KCNQ1: variants seen among roughly 807,000 people sequenced by gnomAD.
KCNQ1 encodes the protein potassium voltage-gated channel subfamily Q member 1.
KCNQ1 carries 49 observed loss-of-function variants against 72.4 expected under a neutral mutation model. The observed-to-expected ratio is 0.68, with a 90% CI of 0.54 to 0.86. KCNQ1 has a LOEUF of 0.86. KCNQ1 is among the 40% of genes least tolerant of loss of function. The pLI is 0.00. For missense variants in KCNQ1, 790 were observed against 945.1 expected, an observed-to-expected ratio of 0.84 and a Z score of 2.15; for synonymous variants, 450 against 412.6, an observed-to-expected ratio of 1.09 and a Z score of -1.10.
At chr11:2,504,828 C>T (rs898745333) in intron 1 of KCNQ1, among the ~76,000 whole-genome samples, 4 of 151,990 alleles carry the variant, frequency 2.6e-5, no homozygotes, top group Non-Finnish European at 2.9e-5. Context: ...GTAGTAGATA[C>T]CCCCATTTAC....
intron 2 of KCNQ1, among the ~76,000 whole-genome samples, chr11:2,553,655 T>TTTTTA (rs1233400162): frequency 7.2e-5 from 11 of 152,116 alleles, no homozygotes; most frequent in South Asian, 4.1e-4. Flanking sequence ...TCATGATGAA[T>TTTTTA]TTTTATTTTA....
At chr11:2,467,744 G>A (rs772122174) in intron 1 of KCNQ1, among the ~76,000 whole-genome samples, 48 of 152,324 alleles carry the variant, frequency 3.2e-4, no homozygotes, top group African/African-American at 5.5e-4. Context: ...GCAGGCGTGC[G>A]TCTTGCAATG....
rs529273127 is a variant in KCNQ1 at position 2,704,267 on chromosome 11, C to T, written c.1514+42186C>T. On this transcript the variant is annotated intron_variant, in intron 11 of 15. Coordinates refer to ENST00000155840, the MANE Select transcript of KCNQ1 (RefSeq NM_000218.3). This position sits in a 1 kb window ranked among gnomAD's most constrained non-coding sequence, Gnocchi z 4.3. ...CTTCCGCCTCCTGTGGCCTGTGTGTCGCCTGCACCTGCATTCCACTGGGGC... is the reference window on the plus strand; with the variant it reads ...CTTCCGCCTCCTGTGGCCTGTGTGTTGCCTGCACCTGCATTCCACTGGGGC... Among the ~76,000 whole-genome samples, 5 of 152,366 alleles carry T rather than the reference C, an allele frequency of 3.3e-5. No homozygotes were observed. Among genetic ancestry groups the T allele is most frequent in the East Asian group, 1.9e-4 (1 of 5,190 alleles).
At position 2,481,577 on chromosome 11, in the gene KCNQ1, G is replaced by C. The variant is rs999954139; in HGVS notation, c.386+36093G>C. Among the ~76,000 whole-genome samples the C allele has an allele frequency of 6.6e-6, 1 of 152,182 alleles. No individual in the cohort carries two copies. The highest frequency in any genetic ancestry group is 1.5e-5 in the Non-Finnish European group (1 of 68,038). ...GCTGCACAGCAGGAGGTGAGTGGCA[G>C]GTGAGCAAGTGAAGCTTCATCTGTA... is the stretch of plus-strand genomic sequence containing the variant. On this transcript the variant is annotated intron_variant, in intron 1 of 15. Transcript: ENST00000155840. This position sits in a 1 kb window ranked among gnomAD's most constrained non-coding sequence, Gnocchi z 4.6.
At chr11:2,688,234 T>A (rs1332127131) in intron 11 of KCNQ1, 3 of 398,652 alleles carry the variant, frequency 7.5e-6, no homozygotes, top group African/African-American at 2.1e-5. Context: ...TAGCCACTCA[T>A]ACAGGGCTGT....
Position 2,595,650 on chromosome 11 carries a change from C to T in KCNQ1, c.1393+6796C>T, listed in dbSNP as rs777091896. On this transcript the variant is annotated intron_variant, in intron 10 of 15. Transcript: ENST00000155840. The surrounding 1 kb of genome is among the most constrained non-coding windows in gnomAD (Gnocchi z 5.0). ...AAAGATCCCTCTCAAAATGTTACTG[C>T]TCATTGACAGTGCACCTGGTCATCC... 6.6e-6 allele frequency among the ~76,000 whole-genome samples: 1 copy of T among 152,158 alleles called. No homozygotes were observed. Among genetic ancestry groups the T allele is most frequent in the Non-Finnish European group, 1.5e-5 (1 of 68,046 alleles).
At position 2,815,909 on chromosome 11, in the gene KCNQ1, C is replaced by A. The variant is rs968867719; in HGVS notation, c.1795-31858C>A. On this transcript the variant is annotated intron_variant, in intron 15 of 15. Coordinates refer to ENST00000155840, the MANE Select transcript of KCNQ1 (RefSeq NM_000218.3). The surrounding 1 kb of genome is among the most constrained non-coding windows in gnomAD (Gnocchi z 5.4). ...CTGCCTGTGCCGAAAAATTAAGCAC[C>A]GCTGAGTCGCCGCACACCTGTCAGG... Among the ~76,000 whole-genome samples the A allele has an allele frequency of 6.6e-6, 1 of 152,164 alleles. No homozygotes were observed. The highest frequency in any genetic ancestry group is 6.5e-5 in the Admixed American group (1 of 15,286).
At chr11:2,693,841 G>T (rs1048660321) in intron 11 of KCNQ1, 1 of 398,732 alleles carries the variant, frequency 2.5e-6, no homozygotes, top group South Asian at 1.3e-4. Flanking sequence ...AGTATTAGAG[G>T]CCACCCCTTG....
At chr11:2,740,263 G>A (rs1174798359) in intron 11 of KCNQ1, among the ~76,000 whole-genome samples, 1 of 152,162 alleles carries the variant, frequency 6.6e-6, no homozygotes, top group Non-Finnish European at 1.5e-5. Flanking sequence ...CGACGCTGCT[G>A]GGCAACTAAC....
chr11:2,742,843 G>A (rs928789414), intron 11 of KCNQ1, among the ~76,000 whole-genome samples: 2 of 152,200 alleles, frequency 1.3e-5, no homozygotes, highest in Non-Finnish European at 2.9e-5. Flanking sequence ...AGGGACCCCC[G>A]AGTAAGCAGG....
At chr11:2,763,605 G>A (rs1007916155) in intron 11 of KCNQ1, among the ~76,000 whole-genome samples, 2 of 152,090 alleles carry the variant, frequency 1.3e-5, no homozygotes, top group South Asian at 4.1e-4. Flanking sequence ...TTAAAGGCAG[G>A]GTCTCTGCAT....
chr11:2,661,544 C>T lies in KCNQ1; in HGVS notation c.1394-417C>T, dbSNP rs1264229033. On this transcript the variant is annotated intron_variant, in intron 10 of 15. Coordinates refer to ENST00000155840, the MANE Select transcript of KCNQ1 (RefSeq NM_000218.3). The surrounding 1 kb of genome is among the most constrained non-coding windows in gnomAD (Gnocchi z 5.9). ...ACCCCATCTTTCCTGACCCACTACT[C>T]TGTCAATGTATGAGTGTGACAATGT... 1.2e-5 allele frequency: 6 copies of T among 504,480 alleles called. No homozygotes were observed. Among genetic ancestry groups the T allele is most frequent in the Admixed American group, 6.9e-5 (2 of 28,854 alleles). The allele number at this position is 504,480 out of a possible 1,614,324, so 31.3% of individuals were successfully genotyped here.
intron 11 of KCNQ1, chr11:2,686,354 T>G (rs1246739841): frequency 7.5e-6 from 3 of 398,610 alleles, no homozygotes; most frequent in Non-Finnish European, 1.3e-5. Context: ...GGGAGGAGTA[T>G]GCTCACTTGG....
rs74048640 is a variant in KCNQ1, at chr11:2,489,213, C to A, written c.387-38715C>A. On this transcript the variant is annotated intron_variant, in intron 1 of 15. Coordinates refer to ENST00000155840, the MANE Select transcript of KCNQ1 (RefSeq NM_000218.3). ...TGCCTCCCATCCCCCAGCTATGTGG[C>A]ATGGAGAGAGAATCTGAGAGCTTGG... Among the ~76,000 whole-genome samples the A allele has an allele frequency of 2.5e-3, 376 of 152,270 alleles. 2 individuals carry two copies. The highest frequency in any genetic ancestry group is 8.6e-3 in the African/African-American group (356 of 41,542).
At chr11:2,680,235 A>G (rs1160802502) in intron 11 of KCNQ1, 8 of 395,924 alleles carry the variant, frequency 2.0e-5, no homozygotes, top group Non-Finnish European at 3.5e-5. Flanking sequence ...AAAGTTGTCT[A>G]TCTGTGTGTA....
intron 10 of KCNQ1, among the ~76,000 whole-genome samples, chr11:2,606,706 T>C (rs1848885599): frequency 6.6e-6 from 1 of 152,026 alleles, no homozygotes; most frequent in Non-Finnish European, 1.5e-5. Context: ...CCAGCACAAA[T>C]TTATGTCATC....
chr11:2,777,076 G>A (rs777443245), intron 14 of KCNQ1, 44 bp downstream of exon 14: 3 of 1,589,244 alleles, frequency 1.9e-6, no homozygotes, highest in South Asian at 1.1e-5. Context: ...AGCCTGCAAT[G>A]GACTCTCCCG....
chr11:2,678,431 C>T lies in KCNQ1; in HGVS notation c.1514+16350C>T. 7.5e-6 allele frequency: 3 copies of T among 398,566 alleles called. No homozygotes were observed. Among genetic ancestry groups the T allele is most frequent in the African/African-American group, 6.2e-5 (3 of 48,730 alleles). 24.7% of individuals were successfully genotyped at this position (398,566 alleles called of 1,614,324 possible). A position where few individuals can be genotyped will look rare whatever the true frequency, so the allele number is the denominator to read the frequency against. ...TCCAACACTATTTATTTGAGTACAT[C>T]ATCATCTCTCTACTAATTTCAACTG... On this transcript the variant is annotated intron_variant, in intron 11 of 15. Transcript: ENST00000155840. The surrounding 1 kb of genome is among the most constrained non-coding windows in gnomAD (Gnocchi z 4.9).
intron 11 of KCNQ1, among the ~76,000 whole-genome samples, chr11:2,705,555 A>G (rs1263352556): frequency 1.3e-5 from 2 of 152,058 alleles, no homozygotes; most frequent in East Asian, 3.9e-4. Context: ...CACCTTCCAG[A>G]GGCAGCTTCC....
Sources: allele counts gnomAD v4.1 joint callset (sites outside exome capture counted in the v4.1 genomes callset), GRCh38; gene constraint gnomAD v4.1.1; non-coding constraint Gnocchi (gnomAD v3.1); transcripts MANE v1.5; gene names NCBI Gene and HGNC (gene_info 2026-07-23, HGNC 2026-07-21).